Variants in DEFB119 observed in about 807,000 individuals in gnomAD.
DEFB119 encodes the protein defensin beta 119.
Under a neutral mutation model 2.5 loss-of-function variants are expected in DEFB119, and 3 were observed. That is an observed-to-expected ratio of 1.19 (90% CI 0.54 to 3.07). DEFB119 has a LOEUF of 3.07. Ranked by LOEUF, DEFB119 falls within the 30% of genes most tolerant of loss-of-function variation. The pLI is 0.03. For synonymous variants in DEFB119, 29 were observed against 33.7 expected, an observed-to-expected ratio of 0.86 and a Z score of 0.48; for missense variants, 113 against 101.1, an observed-to-expected ratio of 1.12 and a Z score of -0.50.
At chr20:31,381,677 G>A (rs1986511324) in intron 1 of DEFB119, among the ~76,000 whole-genome samples, 1 of 152,188 alleles carries the variant, frequency 6.6e-6, no homozygotes, top group Admixed American at 6.5e-5. Context: ...CGCATGTGGT[G>A]GCACGCATTT....
At position 31,388,118 on chromosome 20, in the gene DEFB119, G is replaced by A. The variant is rs867755110; in HGVS notation, c.61+2305C>T. The A allele has an allele frequency of 1.3e-4, 125 of 985,374 alleles. No individual in the cohort carries two copies. In the Middle Eastern group the frequency reaches 5.2e-3, roughly 41 times the overall value. 61.0% of individuals were successfully genotyped at this position (985,374 alleles called of 1,614,324 possible). ...AGGACTTGAGAATAAAGTCTGGGAA[G>A]ACACCCAGATTCTCTAGATTCCCAA... On this transcript the variant is annotated intron_variant, in intron 1 of 1. Transcript: ENST00000376321.
At chr20:31,385,391 A>AAC (rs1343000340) in intron 1 of DEFB119, among the ~76,000 whole-genome samples, 8 of 151,642 alleles carry the variant, frequency 5.3e-5, no homozygotes, top group African/African-American at 1.5e-4. Flanking sequence ...AAAAAAAAAA[A>AAC]ACACAGTTTG....
chr20:31,388,052 G>T, intron 1 of DEFB119: 1 of 985,406 alleles, frequency 1.0e-6, no homozygotes, highest in Non-Finnish European at 1.2e-6. Flanking sequence ...GCAGTTCAGG[G>T]TGAAAAACTA....
chr20:31,384,696 G>C (rs190968471), intron 1 of DEFB119, among the ~76,000 whole-genome samples: 6 of 152,262 alleles, frequency 3.9e-5, no homozygotes, highest in Non-Finnish European at 1.5e-5. Context: ...TGCTAATTAG[G>C]ATCAGCTGAG....
chr20:31,386,845 G>A (rs1218070810), intron 1 of DEFB119, among the ~76,000 whole-genome samples: 3 of 118,682 alleles, frequency 2.5e-5, no homozygotes, highest in South Asian at 2.5e-4. Flanking sequence ...ACGGAGTCTC[G>A]CTCTGTCGCC....
chr20:31,386,055 T>G (rs1600514221), intron 1 of DEFB119, among the ~76,000 whole-genome samples: 1 of 151,748 alleles, frequency 6.6e-6, no homozygotes, highest in Non-Finnish European at 1.5e-5. Context: ...GGCGAGAGGG[T>G]TGCAGTGGCT....
intron 1 of DEFB119, chr20:31,378,417 A>G: frequency 6.2e-7 from 1 of 1,613,874 alleles, no homozygotes; most frequent in Non-Finnish European, 8.5e-7. Context: ...CAAGCCAACA[A>G]AGATCATTGA....
At chr20:31,389,259 A>C (rs1235818834) in intron 1 of DEFB119, 2 of 1,613,656 alleles carry the variant, frequency 1.2e-6, no homozygotes, top group East Asian at 2.2e-5. Flanking sequence ...ACAATTAAGC[A>C]GATGTTAGTA....
In DEFB119 at chr20:31,388,939, C is replaced by A. The variant is rs571302061; in HGVS notation, c.61+1484G>T. 3.2e-5 allele frequency: 49 copies of A among 1,536,248 alleles called. No individual in the cohort carries two copies. In the South Asian group the frequency reaches 5.6e-4, roughly 18 times the overall value. ...CCCACCCTCAATCCATTTGAAGTAT[C>A]ATTCCTTATGATTGACAGACACCAG... is the stretch of plus-strand genomic sequence containing the variant. On this transcript the variant is annotated intron_variant, in intron 1 of 1. Transcript: ENST00000376321.
chr20:31,388,994 G>A, intron 1 of DEFB119: 1 of 1,604,160 alleles, frequency 6.2e-7, no homozygotes. Flanking sequence ...AATGAAATGT[G>A]GACCCTAAGC....
intron 1 of DEFB119, among the ~76,000 whole-genome samples, chr20:31,386,653 G>A (rs1986712727): frequency 6.6e-6 from 1 of 152,094 alleles, no homozygotes; most frequent in Admixed American, 6.5e-5. Context: ...ATCAGAGACT[G>A]GGAAGGGTAA....
chr20:31,387,462 C>A (rs1282844377), intron 1 of DEFB119, among the ~76,000 whole-genome samples: 1 of 152,134 alleles, frequency 6.6e-6, no homozygotes, highest in African/African-American at 2.4e-5. Flanking sequence ...TAAAATATAT[C>A]TATCCTCATT....
At chr20:31,385,374 C>CAAAAAAAAAAAAAAA (rs539118665) in intron 1 of DEFB119, among the ~76,000 whole-genome samples, 18 of 115,662 alleles carry the variant, frequency 1.6e-4, no homozygotes, top group Middle Eastern at 4.7e-3. Context: ...TAACAAAAGA[C>CAAAAAAAAAAAAAAA]AAAAAAAAAA....
intron 1 of DEFB119, chr20:31,389,347 A>C (rs2081357020): frequency 1.5e-6 from 2 of 1,324,252 alleles, no homozygotes; most frequent in East Asian, 4.7e-5. Context: ...CAGCTGAGTG[A>C]GTAATGCCAG....
intron 1 of DEFB119, among the ~76,000 whole-genome samples, chr20:31,386,485 C>CA (rs1163905785): frequency 1.6e-4 from 25 of 151,878 alleles, no homozygotes; most frequent in South Asian, 4.2e-4. Context: ...TATTCGGCCA[C>CA]AAAAAAAGCA....
intron 1 of DEFB119, among the ~76,000 whole-genome samples, chr20:31,387,833 G>C: frequency 6.6e-6 from 1 of 152,108 alleles, no homozygotes; most frequent in East Asian, 1.9e-4. Flanking sequence ...GCTCCTCGTG[G>C]GCATATTCCC....
At position 31,377,377 on chromosome 20, in the gene DEFB119, T is replaced by C; in HGVS notation, c.124A>G (p.Asn42Asp). ...SGICRASCKKNEQPYLYCRNC... is the reference protein window; with the variant it reads ...SGICRASCKKDEQPYLYCRNC... ...CTGCAATAGAGGTAGGGCTGTTCGTTCTTTTTGCAAGAGGCCCTACAAATT... is the reference window on the plus strand; with the variant it reads ...CTGCAATAGAGGTAGGGCTGTTCGTCCTTTTTGCAAGAGGCCCTACAAATT... The change falls in exon 2 of 2, where the codon AAC becomes GAC. Residue 42 changes from asparagine (N) to aspartate (D), a missense_variant. Transcript: ENST00000376321. 1 of 1,614,112 alleles carries C rather than the reference T, an allele frequency of 6.2e-7. No homozygotes were observed. Among genetic ancestry groups the C allele is most frequent in the Non-Finnish European group, 8.5e-7 (1 of 1,180,000 alleles).
At chr20:31,386,316 A>G (rs1454221631) in intron 1 of DEFB119, among the ~76,000 whole-genome samples, 1 of 152,200 alleles carries the variant, frequency 6.6e-6, no homozygotes, top group Non-Finnish European at 1.5e-5. Context: ...GGTAGCTCTC[A>G]TGGGCAGCCT....
chr20:31,390,589 G>T lies in DEFB119; in HGVS notation c.-106C>A. 1 of 1,094,282 alleles carries T rather than the reference G, an allele frequency of 9.1e-7. No homozygotes were observed. The highest frequency in any genetic ancestry group is 1.4e-6 in the Non-Finnish European group (1 of 733,714). The allele number at this position is 1,094,282 out of a possible 1,614,324, so 67.8% of individuals were successfully genotyped here. A position where few individuals can be genotyped will look rare whatever the true frequency, so the allele number is the denominator to read the frequency against. ...TTTGCTTTTATCAGCAGGGCTGTGG[G>T]CAGTGAATTAGAACAGGAGGGGATT... On this transcript the variant is annotated 5_prime_UTR_variant, in exon 1 of 2. Coordinates refer to ENST00000376321, the MANE Select transcript of DEFB119 (RefSeq NM_153289.4).
Sources: allele counts gnomAD v4.1 joint callset (sites outside exome capture counted in the v4.1 genomes callset), GRCh38; gene constraint gnomAD v4.1.1; transcripts MANE v1.5; gene names NCBI Gene and HGNC (gene_info 2026-07-23, HGNC 2026-07-21).